Variants in FBXL17 observed in about 807,000 individuals in gnomAD.
FBXL17 encodes F-box and leucine rich repeat protein 17.
A neutral mutation model predicts 66.2 loss-of-function variants in FBXL17; 22 were observed. The observed-to-expected ratio is 0.33, with a 90% CI of 0.24 to 0.47. The LOEUF (loss-of-function observed/expected upper bound fraction) is 0.47, where lower values mean the gene tolerates loss of function less well. Ranked by LOEUF, FBXL17 falls within the 20% of genes least tolerant of loss-of-function variation. The pLI, the probability that FBXL17 is intolerant of heterozygous loss-of-function variation, is 1.00. For synonymous variants in FBXL17, 474 were observed against 400.5 expected, an observed-to-expected ratio of 1.18 and a Z score of -2.19; for missense variants, 878 against 948.2, an observed-to-expected ratio of 0.93 and a Z score of 0.97.
intron 6 of FBXL17, among the ~76,000 whole-genome samples, chr5:108,119,656 A>T (rs1750399336): frequency 6.6e-6 from 1 of 152,222 alleles, no homozygotes; most frequent in Admixed American, 6.5e-5. Flanking sequence ...TCTAATGAGG[A>T]GGAATTAGCT....
At chr5:108,090,253 C>T (rs1749138819) in intron 6 of FBXL17, among the ~76,000 whole-genome samples, 1 of 152,168 alleles carries the variant, frequency 6.6e-6, no homozygotes, top group East Asian at 1.9e-4. Context: ...CTTAAAAATG[C>T]TTCCCATGTA....
At chr5:108,181,111 T>G (rs906846381) in intron 6 of FBXL17, among the ~76,000 whole-genome samples, 4 of 152,134 alleles carry the variant, frequency 2.6e-5, no homozygotes, top group African/African-American at 9.7e-5. Context: ...TCAGACCAGT[T>G]TTTTACACAT....
At chr5:108,308,595 T>C (rs188951565) in intron 4 of FBXL17, among the ~76,000 whole-genome samples, 78 of 152,220 alleles carry the variant, frequency 5.1e-4, no homozygotes, top group African/African-American at 1.8e-3. Flanking sequence ...TCATAGATTT[T>C]GAATTAGCGA....
chr5:108,121,298 A>G (rs1005278855), intron 6 of FBXL17, among the ~76,000 whole-genome samples: 3 of 152,142 alleles, frequency 2.0e-5, no homozygotes, highest in Non-Finnish European at 2.9e-5. Flanking sequence ...ACTGCCCTCC[A>G]GATTGGCAAC....
chr5:108,138,563 T>C (rs924466692), intron 6 of FBXL17, among the ~76,000 whole-genome samples: 1 of 152,300 alleles, frequency 6.6e-6, no homozygotes, highest in East Asian at 1.9e-4. Context: ...ATATTGCCGG[T>C]GGGAAGAGGG....
intron 6 of FBXL17, among the ~76,000 whole-genome samples, chr5:108,126,651 C>CATATATATA (rs1750717728): frequency 2.3e-4 from 25 of 108,038 alleles, no homozygotes; most frequent in Admixed American, 5.7e-4. Context: ...CTCTCTCTCT[C>CATATATATA]TATATATATA....
At position 107,943,646 on chromosome 5, in the gene FBXL17, A is replaced by G. The variant is rs115109191; in HGVS notation, c.1823-62467T>C. 4.4e-3 allele frequency among the ~76,000 whole-genome samples: 672 copies of G among 152,082 alleles called. 4 individuals are homozygous for G. Among genetic ancestry groups the G allele is most frequent in the African/African-American group, 0.016 (653 of 41,478 alleles). ...AAGCTATCCTCTACTCCACTGGTCAAATAATGATGGTGCAGGGTCAAATCT... is the reference window on the plus strand; with the variant it reads ...AAGCTATCCTCTACTCCACTGGTCAGATAATGATGGTGCAGGGTCAAATCT... On this transcript the variant is annotated intron_variant, in intron 7 of 8. Transcript: ENST00000542267.
chr5:108,259,801 T>C (rs1756733968), intron 4 of FBXL17, among the ~76,000 whole-genome samples: 1 of 152,070 alleles, frequency 6.6e-6, no homozygotes, highest in Non-Finnish European at 1.5e-5. Context: ...AAATAAAAAT[T>C]TAAATACGTG....
chr5:108,137,092 C>A (rs1255862022), intron 6 of FBXL17, among the ~76,000 whole-genome samples: 1 of 151,966 alleles, frequency 6.6e-6, no homozygotes, highest in African/African-American at 2.4e-5. Flanking sequence ...ATCAAAGTTG[C>A]CATAACTTAA....
At chr5:108,179,128 A>G (rs1014311060) in intron 6 of FBXL17, among the ~76,000 whole-genome samples, 5 of 152,236 alleles carry the variant, frequency 3.3e-5, no homozygotes, top group Non-Finnish European at 7.3e-5. Context: ...ATATGTTCAC[A>G]AAACAATTCT....
intron 7 of FBXL17, among the ~76,000 whole-genome samples, chr5:107,902,650 C>G (rs973399020): frequency 1.3e-5 from 2 of 152,088 alleles, no homozygotes. Flanking sequence ...AGTAAAGCAG[C>G]TACCTGAAGA....
At chr5:108,040,082 T>C (rs1177331799) in intron 6 of FBXL17, among the ~76,000 whole-genome samples, 1 of 152,194 alleles carries the variant, frequency 6.6e-6, no homozygotes, top group African/African-American at 2.4e-5. Context: ...AATTAGATTT[T>C]GGCTTGACAA....
intron 6 of FBXL17, among the ~76,000 whole-genome samples, chr5:108,088,894 A>C (rs1360207786): frequency 6.6e-6 from 1 of 152,118 alleles, no homozygotes; most frequent in Non-Finnish European, 1.5e-5. Flanking sequence ...GATAACTCAC[A>C]TAACATTTCA....
intron 7 of FBXL17, among the ~76,000 whole-genome samples, chr5:107,902,666 T>C (rs1273647283): frequency 6.6e-6 from 1 of 152,196 alleles, no homozygotes; most frequent in Non-Finnish European, 1.5e-5. Context: ...GAAGATGATG[T>C]ACTCTTGGAG....
intron 6 of FBXL17, among the ~76,000 whole-genome samples, chr5:108,061,608 G>A (rs1295791115): frequency 6.6e-6 from 1 of 152,040 alleles, no homozygotes; most frequent in Non-Finnish European, 1.5e-5. Flanking sequence ...TAAACGAATA[G>A]TCAGGTCTGT....
At chr5:107,878,224 A>C (rs896603886) in intron 8 of FBXL17, 9 of 957,272 alleles carry the variant, frequency 9.4e-6, no homozygotes, top group East Asian at 2.3e-4. Context: ...AGCATTCTCT[A>C]GTCTGAATTT....
intron 7 of FBXL17, among the ~76,000 whole-genome samples, chr5:107,960,195 A>C (rs933956914): frequency 6.6e-6 from 1 of 152,172 alleles, no homozygotes; most frequent in African/African-American, 2.4e-5. Flanking sequence ...GTTTGTCCTC[A>C]GTAAGTCCCT....
intron 6 of FBXL17, among the ~76,000 whole-genome samples, chr5:108,155,185 G>T (rs977213951): frequency 2.0e-5 from 3 of 152,086 alleles, no homozygotes; most frequent in Middle Eastern, 3.2e-3. Context: ...ACATACAGCA[G>T]GTTCTTACAG....
intron 6 of FBXL17, among the ~76,000 whole-genome samples, chr5:108,165,414 T>G (rs1298669926): frequency 6.6e-6 from 1 of 152,210 alleles, no homozygotes; most frequent in Non-Finnish European, 1.5e-5. Flanking sequence ...AAAAATCTAC[T>G]GTGTGTATGC....
Sources: allele counts gnomAD v4.1 joint callset (sites outside exome capture counted in the v4.1 genomes callset), GRCh38; gene constraint gnomAD v4.1.1; transcripts MANE v1.5; gene names NCBI Gene and HGNC (gene_info 2026-07-23, HGNC 2026-07-21).